ZNF385D: variants seen among roughly 807,000 people sequenced by gnomAD.
The protein encoded by ZNF385D is zinc finger protein 659.
ZNF385D carries 15 observed loss-of-function variants against 35.8 expected under a neutral mutation model. The observed-to-expected ratio is 0.42, with a 90% CI of 0.28 to 0.64. ZNF385D has a LOEUF of 0.64. Among genes scored for constraint, ZNF385D ranks in the 30% least tolerant of loss-of-function variants. The pLI, the probability that ZNF385D is intolerant of heterozygous loss-of-function variation, is 0.23. For missense variants in ZNF385D, 474 were observed against 494.6 expected (o/e 0.96, Z 0.39); for synonymous variants, 212 against 186.8 (o/e 1.13, Z -1.10).
intron 2 of ZNF385D, among the ~76,000 whole-genome samples, chr3:22,180,419 T>C (rs1378006678): frequency 1.3e-5 from 2 of 152,166 alleles, no homozygotes; most frequent in African/African-American, 4.8e-5. Flanking sequence ...GAGGGAATCC[T>C]CCCTAACTCA....
At chr3:21,859,144 T>A (rs765206016) in intron 3 of ZNF385D, among the ~76,000 whole-genome samples, 4 of 152,062 alleles carry the variant, frequency 2.6e-5, no homozygotes, top group Non-Finnish European at 5.9e-5. Flanking sequence ...TTGTCATTTC[T>A]GTAAATAGTA....
chr3:22,343,821 T>C (rs1695531303), intron 2 of ZNF385D, among the ~76,000 whole-genome samples: 1 of 152,158 alleles, frequency 6.6e-6, no homozygotes, highest in Non-Finnish European at 1.5e-5. Flanking sequence ...TCAGTGCCCC[T>C]TGTACAGTCA....
chr3:22,253,432 A>G (rs757844082), intron 2 of ZNF385D, among the ~76,000 whole-genome samples: 2 of 152,054 alleles, frequency 1.3e-5, no homozygotes, highest in Non-Finnish European at 2.9e-5. Context: ...ATTGTAAATT[A>G]TAAAAGCAGT....
intron 3 of ZNF385D, among the ~76,000 whole-genome samples, chr3:22,142,193 T>C (rs1310339063): frequency 6.6e-6 from 1 of 152,242 alleles, no homozygotes; most frequent in Non-Finnish European, 1.5e-5. Context: ...TACCATGTTA[T>C]ATTTTCTTCA....
At chr3:22,095,817 AAATT>A (rs150874543) in intron 3 of ZNF385D, among the ~76,000 whole-genome samples, 21,164 of 151,606 alleles carry the variant, frequency 0.14, 1,578 homozygotes, top group African/African-American at 0.19. Flanking sequence ...CAATTTTTTA[AAATT>A]AATTATAAAA....
At chr3:21,613,649 C>T (rs1413046225) in intron 2 of ZNF385D, among the ~76,000 whole-genome samples, 3 of 152,074 alleles carry the variant, frequency 2.0e-5, no homozygotes, top group African/African-American at 4.8e-5. Flanking sequence ...ATTGAATGGC[C>T]CTTTGACCCC....
intron 1 of ZNF385D, among the ~76,000 whole-genome samples, chr3:21,747,381 A>T (rs182309830): frequency 5.3e-5 from 8 of 152,250 alleles, no homozygotes; most frequent in Admixed American, 4.6e-4. Flanking sequence ...CTTGGCTATA[A>T]GCTTACCACA....
At chr3:22,088,499 G>A (rs931298577) in intron 3 of ZNF385D, among the ~76,000 whole-genome samples, 8 of 152,172 alleles carry the variant, frequency 5.3e-5, no homozygotes, top group Non-Finnish European at 1.0e-4. Context: ...TCTGAGGCCA[G>A]ACTCCCAGTT....
chr3:21,493,094 T>C (rs2125411496), intron 4 of ZNF385D, among the ~76,000 whole-genome samples: 1 of 152,210 alleles, frequency 6.6e-6, no homozygotes, highest in South Asian at 2.1e-4. Flanking sequence ...AAGGCACTTT[T>C]TAAAGATCCA....
chr3:21,943,390 CT>C, intron 3 of ZNF385D, among the ~76,000 whole-genome samples: 1 of 151,326 alleles, frequency 6.6e-6, no homozygotes, highest in East Asian at 1.9e-4. Flanking sequence ...TGTCTTATCT[CT>C]TTTTCTATGT....
intron 3 of ZNF385D, among the ~76,000 whole-genome samples, chr3:22,087,223 A>G (rs1559358585): frequency 6.8e-6 from 1 of 146,714 alleles, no homozygotes; most frequent in Admixed American, 6.7e-5. Context: ...ATTAAGCAAT[A>G]AACTCTTTTT....
At chr3:22,195,144 C>G (rs964956615) in intron 2 of ZNF385D, among the ~76,000 whole-genome samples, 2 of 151,784 alleles carry the variant, frequency 1.3e-5, no homozygotes, top group African/African-American at 2.4e-5. Context: ...ATCATAAGTA[C>G]TTTTTAAAGT....
chr3:21,627,595 A>T (rs147991978), intron 2 of ZNF385D, among the ~76,000 whole-genome samples: 13 of 152,246 alleles, frequency 8.5e-5, no homozygotes, highest in African/African-American at 3.1e-4. Context: ...TATGCTATAT[A>T]AATCTGAGTT....
intron 2 of ZNF385D, among the ~76,000 whole-genome samples, chr3:21,619,891 G>A (rs1374866463): frequency 7.9e-5 from 12 of 152,160 alleles, no homozygotes; most frequent in Non-Finnish European, 1.6e-4. Flanking sequence ...GGAAGCTCTT[G>A]CAAACCTAGT....
chr3:22,140,916 G>T (rs1310542071), intron 3 of ZNF385D, among the ~76,000 whole-genome samples: 1 of 152,154 alleles, frequency 6.6e-6, no homozygotes, highest in African/African-American at 2.4e-5. Context: ...TAGTCATCCA[G>T]GTTTTGGGGT....
rs531461231 is a variant in ZNF385D at position 21,621,252 on chromosome 3, C to A, written c.165+43634G>T. The stretch of plus-strand genomic sequence containing the variant: ...TGATGCAAAAAATTACATTTATAAT[C>A]CAGTCTGAATACAGCTGTACTGCAA... On this transcript the variant is annotated intron_variant, in intron 2 of 7. Transcript: ENST00000281523. 3.9e-5 allele frequency among the ~76,000 whole-genome samples: 6 copies of A among 152,220 alleles called. No homozygotes were observed. In the South Asian group the frequency reaches 1.2e-3, roughly 32 times the overall value.
chr3:21,996,146 G>A (rs574379484), intron 3 of ZNF385D, among the ~76,000 whole-genome samples: 1 of 152,242 alleles, frequency 6.6e-6, no homozygotes, highest in East Asian at 1.9e-4. Flanking sequence ...CTCAGCGTGT[G>A]TATGGGACCC....
At chr3:21,930,190 T>G (rs1291391050) in intron 3 of ZNF385D, among the ~76,000 whole-genome samples, 1 of 151,126 alleles carries the variant, frequency 6.6e-6, no homozygotes, top group African/African-American at 2.4e-5. Context: ...GTTAAAGGGG[T>G]GAAAGAACAG....
At chr3:22,017,050 T>G (rs35730006) in intron 3 of ZNF385D, among the ~76,000 whole-genome samples, 8,628 of 152,104 alleles carry the variant, frequency 0.057, 816 homozygotes, top group African/African-American at 0.19. Context: ...TCTTTAAATT[T>G]TTCAAATGTT....
Sources: allele counts gnomAD v4.1 joint callset (sites outside exome capture counted in the v4.1 genomes callset), GRCh38; gene constraint gnomAD v4.1.1; transcripts MANE v1.5; gene names NCBI Gene and HGNC (gene_info 2026-07-23, HGNC 2026-07-21).